Variants in TUSC3 observed in about 807,000 individuals in gnomAD.
TUSC3 encodes the protein dolichyl-diphosphooligosaccharide--protein glycosyltransferase subunit TUSC3.
A neutral mutation model predicts 44.8 loss-of-function variants in TUSC3; 45 were observed. That is an observed-to-expected ratio of 1.00 (90% CI 0.79 to 1.29). The LOEUF (loss-of-function observed/expected upper bound fraction) is 1.29. Among genes scored for constraint, TUSC3 ranks in the 50% most tolerant of loss-of-function variants. The pLI is 0.00. For synonymous variants in TUSC3, 212 were observed against 152.9 expected, an observed-to-expected ratio of 1.39 and a Z score of -2.85; for missense variants, 519 against 437.9, an observed-to-expected ratio of 1.19 and a Z score of -1.65.
the TUSC3 span, among the ~76,000 whole-genome samples, chr8:15,849,979 C>G: frequency 0.064 from 9,783 of 151,836 alleles, 568 homozygotes; most frequent in East Asian, 0.21. Context: ...TTGTTTTCCA[C>G]TAAAGGTAAC....
At chr8:15,647,796 A>G (rs760728158) in intron 2 of TUSC3, among the ~76,000 whole-genome samples, 20 of 152,262 alleles carry the variant, frequency 1.3e-4, no homozygotes, top group Admixed American at 3.9e-4. Context: ...TCAACGTGCA[A>G]TTTTAAATAG....
the TUSC3 span, among the ~76,000 whole-genome samples, chr8:15,822,363 A>T: frequency 6.6e-6 from 1 of 152,158 alleles, no homozygotes; most frequent in African/African-American, 2.4e-5. Flanking sequence ...TGGTATTATT[A>T]ATAGTTTAGA....
At position 15,638,814 on chromosome 8, in the gene TUSC3, C is replaced by T. The variant is rs1463982304; in HGVS notation, c.309-11883C>T. ...GTGCTGGGATTACAGGCTTGAGCCACTGTACCTGGCTGAGGACAAATACTA... is the reference window on the plus strand; with the variant it reads ...GTGCTGGGATTACAGGCTTGAGCCATTGTACCTGGCTGAGGACAAATACTA... On this transcript the variant is annotated intron_variant, in intron 2 of 10. Coordinates refer to ENST00000503731, the MANE Select transcript of TUSC3 (RefSeq NM_006765.4). Among the ~76,000 whole-genome samples the T allele has an allele frequency of 3.3e-5, 5 of 152,198 alleles. No individual in the cohort carries two copies. In the East Asian group the frequency reaches 7.7e-4, roughly 24 times the overall value.
intron 1 of TUSC3, among the ~76,000 whole-genome samples, chr8:15,546,390 G>A (rs553366156): frequency 8.6e-5 from 13 of 151,786 alleles, no homozygotes; most frequent in South Asian, 2.1e-4. Context: ...TAGTACACAG[G>A]GATGCTGGCT....
intron 6 of TUSC3, among the ~76,000 whole-genome samples, chr8:15,691,886 C>T (rs975245302): frequency 6.6e-6 from 1 of 151,962 alleles, no homozygotes; most frequent in African/African-American, 2.4e-5. Flanking sequence ...TCAAACAATT[C>T]TCTTGCCTCA....
intron 1 of TUSC3, among the ~76,000 whole-genome samples, chr8:15,439,344 T>C (rs865949810): frequency 6.6e-6 from 1 of 152,164 alleles, no homozygotes; most frequent in Non-Finnish European, 1.5e-5. Flanking sequence ...GGTGGGAGGA[T>C]TGTTTGAGCC....
the TUSC3 span, among the ~76,000 whole-genome samples, chr8:15,845,080 C>T: frequency 6.6e-6 from 1 of 152,140 alleles, no homozygotes; most frequent in Non-Finnish European, 1.5e-5. Flanking sequence ...TCAAGCCTAT[C>T]TAAAAAGTTA....
intron 2 of TUSC3, among the ~76,000 whole-genome samples, chr8:15,501,265 A>G (rs1377701306): frequency 2.0e-5 from 3 of 152,062 alleles, no homozygotes; most frequent in South Asian, 2.1e-4. Context: ...TCATAATTTT[A>G]TCTATGAAAA....
At chr8:15,745,556 G>C (rs987599366) in intron 8 of TUSC3, among the ~76,000 whole-genome samples, 1 of 151,944 alleles carries the variant, frequency 6.6e-6, no homozygotes, top group Non-Finnish European at 1.5e-5. Flanking sequence ...GCTGAGTAAT[G>C]ATAATGAACA....
chr8:15,659,675 T>G (rs1242846042), intron 4 of TUSC3, 28 bp downstream of exon 4: 1 of 1,609,740 alleles, frequency 6.2e-7, no homozygotes, highest in African/African-American at 1.3e-5. Flanking sequence ...ACAGTTTTAA[T>G]AATAGGCTGG....
In TUSC3 at chr8:15,506,775, G is replaced by A. The variant is rs547280717; in HGVS notation, n.189+23292G>A. Among the ~76,000 whole-genome samples the A allele has an allele frequency of 7.2e-5, 11 of 152,234 alleles. No homozygotes were observed. The South Asian group carries it at 1.7e-3, about 23-fold the overall frequency. On this transcript the variant is annotated intron_variant and non_coding_transcript_variant, in intron 2 of 5. Coordinates refer to the TUSC3 transcript ENST00000503191. ...CCCACAACACGTGAGGATTATAGGA[G>A]CTACATTTCAAGATGAGATTTCGGT...
chr8:15,508,739 G>A (rs960329653), intron 2 of TUSC3, among the ~76,000 whole-genome samples: 1 of 152,116 alleles, frequency 6.6e-6, no homozygotes, highest in Non-Finnish European at 1.5e-5. Flanking sequence ...GGGATTACAG[G>A]CGTAAGCCAC....
downstream of TUSC3, among the ~76,000 whole-genome samples, chr8:15,769,988 TGTGGAAGAC>T (rs1008386911): frequency 1.3e-5 from 2 of 152,110 alleles, no homozygotes; most frequent in African/African-American, 4.8e-5. Context: ...GTTCAACCAT[TGTGGAAGAC>T]AGTGTGGTGA....
rs2129225892 is a variant in TUSC3, at chr8:15,764,536, A to G, written c.*380A>G. The G allele has an allele frequency of 3.4e-6, 1 of 290,166 alleles. No individual in the cohort carries two copies. 18.0% of individuals were successfully genotyped at this position (290,166 alleles called of 1,614,324 possible). On this transcript the variant is annotated 3_prime_UTR_variant, in exon 11 of 11. Coordinates refer to ENST00000503731, the MANE Select transcript of TUSC3 (RefSeq NM_006765.4). ...ATTAGTAAAGGACCGCAATGTTAGT[A>G]AAGAAAACCTATGAAATGTATGTTA...
At chr8:15,751,554 G>T (rs200455556) in intron 9 of TUSC3, among the ~76,000 whole-genome samples, 2 of 152,220 alleles carry the variant, frequency 1.3e-5, no homozygotes, top group East Asian at 3.9e-4. Context: ...CAGTATAGGG[G>T]CGTCTGATTT....
chr8:15,841,221 G>T, the TUSC3 span, among the ~76,000 whole-genome samples: 1 of 151,960 alleles, frequency 6.6e-6, no homozygotes, highest in East Asian at 1.9e-4. Flanking sequence ...TTCAGTTTCT[G>T]TATGTCCAGA....
chr8:15,555,066 G>T (rs564432509), intron 1 of TUSC3, among the ~76,000 whole-genome samples: 5 of 150,026 alleles, frequency 3.3e-5, no homozygotes, highest in Admixed American at 6.7e-5. Context: ...TAAGGAATTG[G>T]TTGTTATTTT....
intron 1 of TUSC3, among the ~76,000 whole-genome samples, chr8:15,454,492 T>C (rs1189386817): frequency 6.6e-6 from 1 of 152,224 alleles, no homozygotes; most frequent in Non-Finnish European, 1.5e-5. Flanking sequence ...TAAAGGAATC[T>C]ATTTTGCTTT....
chr8:15,473,908 A>G (rs73534261), intron 1 of TUSC3, among the ~76,000 whole-genome samples: 3 of 152,104 alleles, frequency 2.0e-5, no homozygotes, highest in African/African-American at 2.4e-5. Context: ...TCTGATGTCA[A>G]ATTTACCAGG....
Sources: gnomAD v4.1 joint callset for allele counts (sites outside exome capture counted in the v4.1 genomes callset) on GRCh38, gnomAD v4.1.1 for gene constraint, MANE v1.5 for transcripts, NCBI Gene and HGNC (gene_info 2026-07-23, HGNC 2026-07-21) for gene names.